The following DUSP16 variants were observed in gnomAD, a reference collection of about 807,000 sequenced individuals.
DUSP16 encodes dual specificity phosphatase 16.
A neutral mutation model predicts 58.3 loss-of-function variants in DUSP16; 21 were observed. The ratio of observed to expected loss-of-function variants is 0.36; its 90% CI spans 0.26 to 0.52. The LOEUF (loss-of-function observed/expected upper bound fraction) is 0.52, where lower values mean the gene tolerates loss of function less well. DUSP16 is among the 20% of genes least tolerant of loss of function. The pLI is 0.94. For synonymous variants in DUSP16, 320 were observed against 323.8 expected (o/e 0.99, Z 0.12); for missense variants, 726 against 819.0 (o/e 0.89, Z 1.39).
At chr12:12,516,593 T>C (rs1365277565) in intron 3 of DUSP16, among the ~76,000 whole-genome samples, 3 of 152,230 alleles carry the variant, frequency 2.0e-5, no homozygotes, top group Admixed American at 6.5e-5. Flanking sequence ...CATCAGATTT[T>C]AATACCATCT....
In DUSP16 at chr12:12,476,723, A is replaced by G. The variant is rs1468898096; in HGVS notation, c.*110T>C. 1.9e-6 allele frequency: 2 copies of G among 1,046,284 alleles called. No individual in the cohort carries two copies. The highest frequency in any genetic ancestry group is 3.2e-5 in the African/African-American group (2 of 61,690). The allele number at this position is 1,046,284 out of a possible 1,614,324, so 64.8% of individuals were successfully genotyped here. ...CCTGTTGCTTTTACACCATAGCTCC[A>G]TTTTCCAAAAATATATATGTATGTA... On this transcript the variant is annotated 3_prime_UTR_variant, in exon 7 of 7. Coordinates refer to ENST00000298573, the MANE Select transcript of DUSP16 (RefSeq NM_030640.3).
At chr12:12,518,572 C>T (rs1218410029) in intron 3 of DUSP16, among the ~76,000 whole-genome samples, 1 of 151,848 alleles carries the variant, frequency 6.6e-6, no homozygotes, top group East Asian at 1.9e-4. Flanking sequence ...AGGTAAAGTC[C>T]CTCACACAGT....
intron 4 of DUSP16, among the ~76,000 whole-genome samples, chr12:12,496,036 A>G (rs1277542704): frequency 2.0e-5 from 3 of 152,230 alleles, no homozygotes. Flanking sequence ...TAACAGCTGA[A>G]GTGATATGGC....
rs1471018006 is a variant in DUSP16 at position 12,476,951 on chromosome 12, C to T, written c.1880G>A (p.Ser627Asn). The T allele has an allele frequency of 6.2e-7, 1 of 1,614,230 alleles. No homozygotes were observed. The highest frequency in any genetic ancestry group is 1.7e-5 in the Admixed American group (1 of 60,028). The change falls in exon 7 of 7, where the codon AGC becomes AAC. Residue 627 changes from serine (S) to asparagine (N), a missense_variant. Physicochemically the swap from Ser to Asn is conservative, Grantham distance 46 (BLOSUM62 1). Coordinates refer to ENST00000298573, the MANE Select transcript of DUSP16 (RefSeq NM_030640.3). Reference sequence around the variant, plus strand: ...GCTCTCTCCAAATTCCATTTGGCAGCTTCTGCGTTTAAACTGCTTTTCAAA... The same window carrying T: ...GCTCTCTCCAAATTCCATTTGGCAGTTTCTGCGTTTAAACTGCTTTTCAAA... The part of the protein sequence containing the change: ...SPFEKQFKRR[S>N]CQMEFGESIM...
At chr12:12,549,773 T>C (rs1944698786) in intron 1 of DUSP16, among the ~76,000 whole-genome samples, 1 of 128,670 alleles carries the variant, frequency 7.8e-6, no homozygotes, top group Admixed American at 7.7e-5. Flanking sequence ...AGTGCTTTTT[T>C]ATTAAAAAAA....
rs1172358476 is a variant in DUSP16 at position 12,521,267 on chromosome 12, G to A, written c.-169C>T. Reference sequence around the variant, plus strand: ...CCCATTTTCAGCAAGAGCCCTCCAAGTGAATGTCTCTTTCTCTTTCCCGTT... The same window carrying A: ...CCCATTTTCAGCAAGAGCCCTCCAAATGAATGTCTCTTTCTCTTTCCCGTT... On this transcript the variant is annotated 5_prime_UTR_variant, in exon 2 of 7. Transcript: ENST00000298573. The A allele has an allele frequency of 8.3e-6, 12 of 1,443,756 alleles. No homozygotes were observed. The highest frequency in any genetic ancestry group is 1.1e-5 in the Non-Finnish European group (12 of 1,102,940). 89.4% of individuals were successfully genotyped at this position (1,443,756 alleles called of 1,614,324 possible).
At chr12:12,517,930 C>T (rs1432670570) in intron 3 of DUSP16, among the ~76,000 whole-genome samples, 1 of 152,212 alleles carries the variant, frequency 6.6e-6, no homozygotes, top group African/African-American at 2.4e-5. Context: ...CATAGCTAAT[C>T]AGGCAGTCCT....
At chr12:12,515,973 G>GCA in intron 3 of DUSP16, among the ~76,000 whole-genome samples, 1 of 150,522 alleles carries the variant, frequency 6.6e-6, no homozygotes, top group African/African-American at 2.5e-5. Flanking sequence ...ATGGGGTTTT[G>GCA]CCATGTTGGC....
chr12:12,507,619 G>A (rs919337184), intron 3 of DUSP16, among the ~76,000 whole-genome samples: 2 of 148,994 alleles, frequency 1.3e-5, no homozygotes, highest in Admixed American at 6.8e-5. Context: ...TGTTGTTGTT[G>A]TTTTTTGGAG....
At chr12:12,506,870 G>A (rs1271192243) in intron 3 of DUSP16, among the ~76,000 whole-genome samples, 1 of 152,226 alleles carries the variant, frequency 6.6e-6, no homozygotes, top group Admixed American at 6.5e-5. Context: ...TAAAAACATA[G>A]ATACTACTTC....
Position 12,562,181 on chromosome 12 carries a change from C to G in DUSP16, c.-430G>C, listed in dbSNP as rs1185565946. The G allele has an allele frequency of 6.6e-6, 1 of 151,986 alleles. No homozygotes were observed. The highest frequency in any genetic ancestry group is 2.4e-5 in the African/African-American group (1 of 41,408). 9.4% of individuals were successfully genotyped at this position (151,986 alleles called of 1,614,324 possible). A position where few individuals can be genotyped will look rare whatever the true frequency, so the allele number is the denominator to read the frequency against. The stretch of plus-strand genomic sequence containing the variant: ...CGAAAGTTGTCACGGCGTCTCCCCT[C>G]GGGCCCCCCTCGCCTCCCGGACTTG... On this transcript the variant is annotated 5_prime_UTR_variant, in exon 1 of 7. Transcript: ENST00000298573.
intron 5 of DUSP16, among the ~76,000 whole-genome samples, chr12:12,483,751 C>T (rs1943621923): frequency 6.6e-6 from 1 of 152,104 alleles, no homozygotes; most frequent in South Asian, 2.1e-4. Flanking sequence ...AACGGGCAAA[C>T]TCTGTTACTG....
intron 4 of DUSP16, among the ~76,000 whole-genome samples, chr12:12,499,618 C>G (rs1481163588): frequency 2.0e-5 from 3 of 152,188 alleles, no homozygotes; most frequent in African/African-American, 7.2e-5. Flanking sequence ...TTACAATCAG[C>G]CCAATTCTTC....
intron 1 of DUSP16, 53 bp downstream of exon 1, chr12:12,562,064 G>T (rs533620874): frequency 1.3e-4 from 20 of 150,546 alleles, no homozygotes; most frequent in Non-Finnish European, 1.3e-4. Context: ...GGGCGCCCCG[G>T]GCCCCGCACC....
At chr12:12,545,224 G>A (rs995938253) in intron 1 of DUSP16, among the ~76,000 whole-genome samples, 1 of 151,986 alleles carries the variant, frequency 6.6e-6, no homozygotes, top group Non-Finnish European at 1.5e-5. Flanking sequence ...TAGAAATATA[G>A]GTTTTGTATA....
chr12:12,553,729 C>T (rs910699465), intron 1 of DUSP16, among the ~76,000 whole-genome samples: 7 of 151,684 alleles, frequency 4.6e-5, no homozygotes, highest in South Asian at 4.2e-4. Flanking sequence ...TTTTTTGTGG[C>T]GACAAGGTTT....
chr12:12,550,289 A>T (rs192574840), intron 1 of DUSP16, among the ~76,000 whole-genome samples: 39 of 149,010 alleles, frequency 2.6e-4, no homozygotes, highest in Non-Finnish European at 3.4e-4. Flanking sequence ...AAAAAAAAAA[A>T]TGTGTATCAG....
At chr12:12,533,159 C>T (rs1006859018) in intron 1 of DUSP16, among the ~76,000 whole-genome samples, 3 of 152,172 alleles carry the variant, frequency 2.0e-5, no homozygotes, top group Admixed American at 1.3e-4. Context: ...GGGTATGACT[C>T]TTATAATACA....
intron 1 of DUSP16, among the ~76,000 whole-genome samples, chr12:12,546,952 C>T (rs1408581095): frequency 6.6e-6 from 1 of 152,208 alleles, no homozygotes; most frequent in Non-Finnish European, 1.5e-5. Flanking sequence ...TAAGCCTCAA[C>T]CACAATCACA....
Sources: allele counts gnomAD v4.1 joint callset (sites outside exome capture counted in the v4.1 genomes callset), GRCh38; gene constraint gnomAD v4.1.1; transcripts MANE v1.5; gene names NCBI Gene and HGNC (gene_info 2026-07-23, HGNC 2026-07-21).